The following FILIP1 variants were observed in gnomAD, a reference collection of about 807,000 sequenced individuals.
FILIP1 encodes filamin A interacting protein 1.
A neutral mutation model predicts 102.1 loss-of-function variants in FILIP1; 61 were observed. The ratio of observed to expected loss-of-function variants is 0.60; its 90% CI spans 0.49 to 0.74. The LOEUF (loss-of-function observed/expected upper bound fraction) is 0.74, where lower values mean the gene tolerates loss of function less well. Among genes scored for constraint, FILIP1 ranks in the 30% least tolerant of loss-of-function variants. FILIP1 has a pLI of 0.00. For missense variants in FILIP1, 1,314 were observed against 1,441.2 expected (o/e 0.91, Z 1.43); for synonymous variants, 491 against 526.9 (o/e 0.93, Z 0.93).
intron 1 of FILIP1, among the ~76,000 whole-genome samples, chr6:75,449,176 C>G (rs971695448): frequency 2.6e-5 from 4 of 152,110 alleles, no homozygotes; most frequent in African/African-American, 9.7e-5. Context: ...ATGGCATTTG[C>G]AGCAACCTGA....
intron 2 of FILIP1, among the ~76,000 whole-genome samples, chr6:75,363,394 G>A (rs1562503686): frequency 6.6e-6 from 1 of 152,106 alleles, no homozygotes; most frequent in Admixed American, 6.5e-5. Context: ...AGCCTTTATT[G>A]GTTATTTCCT....
At chr6:75,415,535 A>G (rs1292779502) in intron 1 of FILIP1, among the ~76,000 whole-genome samples, 2 of 125,612 alleles carry the variant, frequency 1.6e-5, no homozygotes, top group East Asian at 2.1e-4. Flanking sequence ...ACAGTGTGGA[A>G]AAAAAAAAAA....
intron 2 of FILIP1, among the ~76,000 whole-genome samples, chr6:75,408,168 T>C (rs1325237640): frequency 6.6e-6 from 1 of 152,182 alleles, no homozygotes; most frequent in African/African-American, 2.4e-5. Flanking sequence ...AAGTAATTGG[T>C]ATTGGAAGCA....
intron 4 of FILIP1, among the ~76,000 whole-genome samples, chr6:75,339,575 C>T (rs993929479): frequency 3.3e-5 from 5 of 152,192 alleles, no homozygotes; most frequent in Non-Finnish European, 5.9e-5. Context: ...TTTTATGCAG[C>T]TGTTGGGAAA....
Position 75,312,863 on chromosome 6 carries a change from TTC to T in FILIP1, c.2967_2968del (p.Lys990AspfsTer30). 1 of 1,614,206 alleles carries T rather than the reference TTC, an allele frequency of 6.2e-7. No individual in the cohort carries two copies. The highest frequency in any genetic ancestry group is 8.5e-7 in the Non-Finnish European group (1 of 1,180,034). ...TGCGCCTCTTCCACTTTCTGGAGTC[TTC>T]TCTCTGGAAAATGTAGTAATTGTGA... is the stretch of plus-strand genomic sequence containing the variant. On this transcript the variant is annotated frameshift_variant, in exon 5 of 6. Transcript: ENST00000237172. LOFTEE classifies it high-confidence loss of function.
At chr6:75,403,508 G>T (rs1162211390) in intron 2 of FILIP1, among the ~76,000 whole-genome samples, 2 of 24,132 alleles carry the variant, frequency 8.3e-5, no homozygotes, top group Non-Finnish European at 1.6e-4. Flanking sequence ...GCAAGACTCT[G>T]TCCCACAAAA....
intron 2 of FILIP1, chr6:75,399,384 T>C (rs978203287): frequency 6.6e-6 from 1 of 152,246 alleles, no homozygotes; most frequent in South Asian, 2.1e-4. Flanking sequence ...TGGAATCGGA[T>C]TCTCTTTTCC....
chr6:75,355,661 C>T (rs1461080066), intron 3 of FILIP1, among the ~76,000 whole-genome samples: 1 of 152,134 alleles, frequency 6.6e-6, no homozygotes, highest in East Asian at 1.9e-4. Flanking sequence ...CCTTGGCCTC[C>T]CAAAGTGCTG....
intron 2 of FILIP1, among the ~76,000 whole-genome samples, chr6:75,413,685 C>T (rs1341192087): frequency 6.6e-6 from 1 of 151,512 alleles, no homozygotes; most frequent in South Asian, 2.1e-4. Flanking sequence ...TATTTTTGCA[C>T]CAACCTAATA....
At chr6:75,409,339 G>A (rs141408489) in intron 2 of FILIP1, among the ~76,000 whole-genome samples, 26 of 152,174 alleles carry the variant, frequency 1.7e-4, no homozygotes, top group African/African-American at 5.8e-4. Context: ...CTTCAAAGGC[G>A]CCTTAGAGTT....
At chr6:75,303,121 G>A (rs1562422088), downstream of FILIP1, among the ~76,000 whole-genome samples, 1 of 152,138 alleles carries the variant, frequency 6.6e-6, no homozygotes, top group African/African-American at 2.4e-5. Context: ...AGCATAGATG[G>A]TTACCAGGTT....
At chr6:75,479,607 G>A (rs1403701070) in intron 1 of FILIP1, among the ~76,000 whole-genome samples, 1 of 151,876 alleles carries the variant, frequency 6.6e-6, no homozygotes, top group African/African-American at 2.4e-5. Context: ...GGTGGCTCAT[G>A]CCTGTAATCC....
intron 1 of FILIP1, among the ~76,000 whole-genome samples, chr6:75,461,578 T>C (rs73461799): frequency 0.01 from 1,550 of 152,350 alleles, 38 homozygotes; most frequent in African/African-American, 0.036. Context: ...TCCTGATTTG[T>C]AACATAGTTT....
At chr6:75,401,046 C>G (rs1199662163) in intron 2 of FILIP1, among the ~76,000 whole-genome samples, 2 of 152,018 alleles carry the variant, frequency 1.3e-5, no homozygotes, top group Admixed American at 6.6e-5. Flanking sequence ...AAACAAAAAG[C>G]CTTTCCCCAC....
At chr6:75,384,881 A>C (rs1776031273) in intron 2 of FILIP1, 2 of 150,590 alleles carry the variant, frequency 1.3e-5, no homozygotes, top group Admixed American at 1.3e-4. Context: ...TGCAGCTTCA[A>C]CCTCCAAGGC....
At chr6:75,402,407 C>A (rs1293214168) in intron 2 of FILIP1, among the ~76,000 whole-genome samples, 1 of 152,154 alleles carries the variant, frequency 6.6e-6, no homozygotes, top group Non-Finnish European at 1.5e-5. Context: ...AGCACGCTGA[C>A]CATTTTGATG....
At chr6:75,435,597 A>G (rs1224803597) in intron 1 of FILIP1, among the ~76,000 whole-genome samples, 2 of 152,192 alleles carry the variant, frequency 1.3e-5, no homozygotes, top group Non-Finnish European at 2.9e-5. Context: ...GGGGACCAAG[A>G]GACTTTCCTC....
chr6:75,386,339 G>A (rs1445613534), intron 2 of FILIP1: 1 of 152,206 alleles, frequency 6.6e-6, no homozygotes, highest in Non-Finnish European at 1.5e-5. Flanking sequence ...ATGTTCAACA[G>A]TGGCCAGTCT....
At chr6:75,318,311 C>T (rs1035609036) in intron 4 of FILIP1, among the ~76,000 whole-genome samples, 1 of 149,376 alleles carries the variant, frequency 6.7e-6, no homozygotes, top group Admixed American at 6.7e-5. Context: ...TTATAGTTCA[C>T]CGCAGCCTCA....
Sources: gnomAD v4.1 joint callset for allele counts (sites outside exome capture counted in the v4.1 genomes callset) on GRCh38, gnomAD v4.1.1 for gene constraint, MANE v1.5 for transcripts, NCBI Gene and HGNC (gene_info 2026-07-23, HGNC 2026-07-21) for gene names.